Variants in KATNAL2 observed in about 807,000 individuals in gnomAD.
KATNAL2 encodes the protein katanin p60 ATPase-containing subunit A-like 2.
In KATNAL2, 52 loss-of-function variants were observed where a neutral mutation model predicts 76.3. The ratio of observed to expected loss-of-function variants is 0.68; its 90% confidence interval spans 0.55 to 0.86. The LOEUF (loss-of-function observed/expected upper bound fraction) is 0.86. KATNAL2 is among the 40% of genes least tolerant of loss of function. KATNAL2 has a pLI of 0.00. For missense variants in KATNAL2, 660 were observed against 668.9 expected (o/e 0.99, Z 0.15); for synonymous variants, 243 against 244.2 (o/e 1.00, Z 0.05).
intron 1 of KATNAL2, among the ~76,000 whole-genome samples, chr18:46,924,131 T>C (rs2058658729): frequency 6.6e-6 from 1 of 152,240 alleles, no homozygotes; most frequent in Admixed American, 6.5e-5. Context: ...TTTGGTGTTT[T>C]AGACATGAAG....
intron 15 of KATNAL2, among the ~76,000 whole-genome samples, chr18:47,087,752 C>CTGTGTGTGTGTGTGTGTGTG (rs35852657): frequency 1.3e-5 from 2 of 148,440 alleles, no homozygotes; most frequent in Non-Finnish European, 3.0e-5. Context: ...TCTTTTACAT[C>CTGTGTGTGTGTGTGTGTGTG]TGTGTGTGTG....
intron 15 of KATNAL2, among the ~76,000 whole-genome samples, chr18:47,081,294 A>G (rs186120751): frequency 9.8e-4 from 150 of 152,330 alleles, no homozygotes; most frequent in Non-Finnish European, 1.4e-3. Flanking sequence ...ATAGAAATAT[A>G]TTGTGAGGCA....
At chr18:46,934,500 C>A (rs1386687125) in intron 1 of KATNAL2, among the ~76,000 whole-genome samples, 1 of 151,952 alleles carries the variant, frequency 6.6e-6, no homozygotes, top group Non-Finnish European at 1.5e-5. Flanking sequence ...GGGTTGTTTG[C>A]TTTTTTCTTG....
intron 3 of KATNAL2, among the ~76,000 whole-genome samples, chr18:47,031,784 G>A (rs908198575): frequency 6.6e-6 from 1 of 152,066 alleles, no homozygotes; most frequent in Non-Finnish European, 1.5e-5. Flanking sequence ...GGACTTTTTT[G>A]AGTTTTATAT....
chr18:47,045,788 A>G (rs1305863016), intron 3 of KATNAL2, among the ~76,000 whole-genome samples: 1 of 152,256 alleles, frequency 6.6e-6, no homozygotes, highest in African/African-American at 2.4e-5. Context: ...GTATTACTGA[A>G]CATGACTATT....
chr18:47,037,243 T>G (rs1448567018), intron 3 of KATNAL2, among the ~76,000 whole-genome samples: 1 of 152,202 alleles, frequency 6.6e-6, no homozygotes, highest in Non-Finnish European at 1.5e-5. Context: ...GGTCTAAAAC[T>G]GGGAATGATA....
At chr18:46,952,632 C>T (rs1380395390) in intron 3 of KATNAL2, among the ~76,000 whole-genome samples, 3 of 151,986 alleles carry the variant, frequency 2.0e-5, no homozygotes, top group African/African-American at 4.8e-5. Flanking sequence ...AACTCCTGAC[C>T]TCATGATCCA....
chr18:47,079,654 C>CT (rs969517606), intron 15 of KATNAL2, among the ~76,000 whole-genome samples: 156 of 149,430 alleles, frequency 1.0e-3, no homozygotes, highest in Non-Finnish European at 1.7e-3. Flanking sequence ...GCCTCAGCCT[C>CT]TTTTTTTTTT....
chr18:47,101,298 T>G lies in KATNAL2; in HGVS notation c.*293T>G, dbSNP rs1334091957. The G allele has an allele frequency of 1.4e-5, 4 of 285,234 alleles. No homozygotes were observed. Among genetic ancestry groups the G allele is most frequent in the Non-Finnish European group, 2.7e-5 (4 of 147,416 alleles). The allele number at this position is 285,234 out of a possible 1,614,324, so 17.7% of individuals were successfully genotyped here. A position where few individuals can be genotyped will look rare whatever the true frequency, so the allele number is the denominator to read the frequency against. ...CATAAAATTTTAATGAACAATTTTCTGTAATGTTACTCATTTGTAAACTTT... is the reference window on the plus strand; with the variant it reads ...CATAAAATTTTAATGAACAATTTTCGGTAATGTTACTCATTTGTAAACTTT... On this transcript the variant is annotated 3_prime_UTR_variant, in exon 18 of 18. Transcript: ENST00000683218.
At position 46,953,886 on chromosome 18, in the gene KATNAL2, G is replaced by A. The variant is rs189182764; in HGVS notation, c.51+6963G>A. Among the ~76,000 whole-genome samples, 1,008 of 152,266 alleles carry A rather than the reference G, an allele frequency of 6.6e-3. 12 individuals are homozygous for A. The highest frequency in any genetic ancestry group is 0.033 in the Admixed American group (501 of 15,294). ...GGTACCAGGGCCCTTTTCATTGGGGGATGCCAAATGTCAGTTATGTGTAGG... is the reference window on the plus strand; with the variant it reads ...GGTACCAGGGCCCTTTTCATTGGGGAATGCCAAATGTCAGTTATGTGTAGG... On this transcript the variant is annotated intron_variant, in intron 3 of 17. Transcript: ENST00000683218.
At chr18:47,042,764 T>TAAA (rs1343814036) in intron 3 of KATNAL2, among the ~76,000 whole-genome samples, 10 of 152,120 alleles carry the variant, frequency 6.6e-5, no homozygotes, top group African/African-American at 2.2e-4. Context: ...TTAATAGGTA[T>TAAA]TCATAAAAAT....
intron 3 of KATNAL2, among the ~76,000 whole-genome samples, chr18:46,965,978 C>G (rs1401275115): frequency 3.5e-4 from 53 of 150,966 alleles, no homozygotes; most frequent in Non-Finnish European, 4.3e-4. Flanking sequence ...TTCTCTCTCT[C>G]TCTCTCAGTG....
At chr18:47,069,805 C>G (rs2147197897) in intron 13 of KATNAL2, among the ~76,000 whole-genome samples, 2 of 152,196 alleles carry the variant, frequency 1.3e-5, no homozygotes, top group Middle Eastern at 3.4e-3. Flanking sequence ...CATGATCTCC[C>G]TTCCTTTGGG....
At chr18:46,919,122 A>C (rs942573742) in intron 1 of KATNAL2, among the ~76,000 whole-genome samples, 2 of 151,634 alleles carry the variant, frequency 1.3e-5, no homozygotes, top group African/African-American at 4.8e-5. Flanking sequence ...AAGCCGAGGC[A>C]GGTGGATCAC....
At chr18:47,069,716 C>G in intron 13 of KATNAL2, 116 bp downstream of exon 13, 3 of 640,982 alleles carry the variant, frequency 4.7e-6, no homozygotes, top group Admixed American at 2.8e-5. Flanking sequence ...AAGATCCACT[C>G]CTGGATCTTG....
intron 1 of KATNAL2, among the ~76,000 whole-genome samples, chr18:46,933,533 A>C (rs1320476872): frequency 1.3e-5 from 2 of 152,198 alleles, no homozygotes; most frequent in East Asian, 3.8e-4. Flanking sequence ...CAGAATGTTG[A>C]ATAAACTGGT....
chr18:47,062,480 A>G (rs2061665542), intron 8 of KATNAL2, among the ~76,000 whole-genome samples: 1 of 152,244 alleles, frequency 6.6e-6, no homozygotes, highest in Non-Finnish European at 1.5e-5. Flanking sequence ...CTTATACCCA[A>G]TAAATTTATA....
At chr18:47,096,330 CT>C (rs2063234459) in intron 15 of KATNAL2, among the ~76,000 whole-genome samples, 1 of 152,068 alleles carries the variant, frequency 6.6e-6, no homozygotes, top group South Asian at 2.1e-4. Context: ...CATTGTTACT[CT>C]TTTTTAAAAA....
intron 15 of KATNAL2, among the ~76,000 whole-genome samples, chr18:47,088,785 G>C (rs2062881834): frequency 6.6e-6 from 1 of 152,112 alleles, no homozygotes. Context: ...TCTATCTGTG[G>C]GATTCTTGCA....
Sources: gnomAD v4.1 joint callset for allele counts (sites outside exome capture counted in the v4.1 genomes callset) on GRCh38, gnomAD v4.1.1 for gene constraint, MANE v1.5 for transcripts, NCBI Gene and HGNC (gene_info 2026-07-23, HGNC 2026-07-21) for gene names.